The following UIMC1 variants were observed in gnomAD, a reference collection of about 807,000 sequenced individuals.
The protein encoded by UIMC1 is BRCA1-A complex subunit RAP80.
In UIMC1, 42 loss-of-function variants were observed where a neutral mutation model predicts 84.9. That is an observed-to-expected ratio of 0.49 (90% CI 0.39 to 0.64). UIMC1 has a LOEUF of 0.64. Ranked by LOEUF, UIMC1 falls within the 30% of genes least tolerant of loss-of-function variation. The pLI, the probability that UIMC1 is intolerant of heterozygous loss-of-function variation, is 0.00. For missense variants in UIMC1, 825 were observed against 847.6 expected (o/e 0.97, Z 0.33); for synonymous variants, 281 against 293.0 (o/e 0.96, Z 0.42).
At chr5:177,000,244 G>A (rs780521674) in intron 1 of UIMC1, among the ~76,000 whole-genome samples, 2 of 152,016 alleles carry the variant, frequency 1.3e-5, no homozygotes, top group African/African-American at 2.4e-5. Context: ...ATAAGCCACC[G>A]CGCCCGGCAT....
At chr5:176,906,919 AAC>A (rs1274108552) in intron 13 of UIMC1, among the ~76,000 whole-genome samples, 193 bp downstream of exon 13, 1 of 152,254 alleles carries the variant, frequency 6.6e-6, no homozygotes, top group Admixed American at 6.5e-5. Context: ...CCTGAAATGA[AAC>A]ACAGGATGAA....
chr5:176,977,238 AAAAG>A (rs963398192), intron 2 of UIMC1, among the ~76,000 whole-genome samples: 1 of 151,736 alleles, frequency 6.6e-6, no homozygotes, highest in Non-Finnish European at 1.5e-5. Context: ...AAAAAAAAAA[AAAAG>A]AGAGAGAGAG....
intron 9 of UIMC1, among the ~76,000 whole-genome samples, chr5:176,944,974 G>A (rs1764899749): frequency 6.6e-6 from 1 of 152,168 alleles, no homozygotes; most frequent in Non-Finnish European, 1.5e-5. Flanking sequence ...ATTACAGAAG[G>A]GGAAACTGAG....
intron 10 of UIMC1, among the ~76,000 whole-genome samples, chr5:176,928,183 G>A (rs1354589194): frequency 1.3e-5 from 2 of 152,068 alleles, no homozygotes; most frequent in Admixed American, 6.6e-5. Flanking sequence ...CAACACAGCC[G>A]CCTGATTCAT....
intron 13 of UIMC1, among the ~76,000 whole-genome samples, chr5:176,906,345 A>C (rs980510154): frequency 3.3e-5 from 5 of 152,244 alleles, no homozygotes; most frequent in Non-Finnish European, 5.9e-5. Flanking sequence ...GAGATTCACA[A>C]ACTGGTGATC....
chr5:176,943,367 A>G lies in UIMC1; in HGVS notation c.1565T>C (p.Met522Thr), dbSNP rs1412176308. Residue 522 changes from methionine to threonine, a missense_variant, in exon 10 of 15, where the codon ATG (methionine) becomes ACG (threonine). Met to Thr is a moderately conservative substitution (Grantham distance 81). Transcript: ENST00000511320. ...FPPTKIERHA[M>T]YCNGLMEEDT... ...TTCCTCCATCAGACCATTGCAGTAC[A>G]TGGCATGTCGTTCAATCTTTGTGGG... The G allele has an allele frequency of 1.2e-6, 2 of 1,614,130 alleles. No homozygotes were observed. Among genetic ancestry groups the G allele is most frequent in the Non-Finnish European group, 1.7e-6 (2 of 1,180,022 alleles).
At chr5:176,931,728 T>C (rs1210249288) in intron 10 of UIMC1, among the ~76,000 whole-genome samples, 2 of 152,178 alleles carry the variant, frequency 1.3e-5, no homozygotes, top group Non-Finnish European at 2.9e-5. Flanking sequence ...GGCTCATGCC[T>C]GTAATCCCAG....
At chr5:176,974,214 T>C (rs1023091910) in intron 3 of UIMC1, among the ~76,000 whole-genome samples, 1 of 152,182 alleles carries the variant, frequency 6.6e-6, no homozygotes, top group African/African-American at 2.4e-5. Context: ...CAGTGTGGTA[T>C]GGCATAATGA....
intron 1 of UIMC1, among the ~76,000 whole-genome samples, chr5:176,991,632 A>C (rs1772850823): frequency 3.0e-5 from 1 of 33,276 alleles, no homozygotes; most frequent in Non-Finnish European, 5.4e-5. Context: ...CTCCGTCTCA[A>C]AAAAAAAAAA....
chr5:176,937,958 A>G (rs1763910236), intron 10 of UIMC1, among the ~76,000 whole-genome samples: 1 of 152,140 alleles, frequency 6.6e-6, no homozygotes, highest in Admixed American at 6.5e-5. Flanking sequence ...TGGGAGGCCA[A>G]CGCAGGAGAA....
intron 2 of UIMC1, among the ~76,000 whole-genome samples, chr5:176,977,570 A>C (rs954819043): frequency 2.0e-5 from 3 of 148,114 alleles, no homozygotes; most frequent in Non-Finnish European, 4.5e-5. Context: ...ATGACAGAGC[A>C]AGACTCCATC....
intron 2 of UIMC1, among the ~76,000 whole-genome samples, chr5:176,977,371 C>T (rs1201359388): frequency 6.6e-6 from 1 of 151,876 alleles, no homozygotes; most frequent in Non-Finnish European, 1.5e-5. Context: ...CATCAAACTT[C>T]ATCAGATTGA....
chr5:177,006,548 G>C (rs970382141), intron 1 of UIMC1, 102 bp downstream of exon 1: 1 of 152,286 alleles, frequency 6.6e-6, no homozygotes, highest in Non-Finnish European at 1.5e-5. Flanking sequence ...CCTTGGCGTC[G>C]GGAAGCGCCC....
chr5:176,984,058 G>A (rs1771525063), intron 1 of UIMC1, among the ~76,000 whole-genome samples: 1 of 116,576 alleles, frequency 8.6e-6, no homozygotes. Context: ...GAAGTGAGGA[G>A]TGCCTCTGCC....
At chr5:176,909,859 A>G (rs558073700) in intron 11 of UIMC1, among the ~76,000 whole-genome samples, 2 of 152,354 alleles carry the variant, frequency 1.3e-5, no homozygotes, top group East Asian at 3.9e-4. Context: ...GACAGACTTT[A>G]TCACTTCTAG....
At chr5:176,951,716 T>C in intron 8 of UIMC1, 139 bp from the exon 9 acceptor site, 1 of 566,990 alleles carries the variant, frequency 1.8e-6, no homozygotes, top group Non-Finnish European at 3.0e-6. Context: ...TCTAGTTTGT[T>C]TCTTCTTAAA....
chr5:176,968,415 T>A, intron 6 of UIMC1, 140 bp downstream of exon 6: 1 of 1,237,574 alleles, frequency 8.1e-7, no homozygotes, highest in Non-Finnish European at 1.1e-6. Context: ...TATACTCTCC[T>A]GTACTTTCCT....
chr5:176,970,560 A>G, intron 4 of UIMC1, 182 bp downstream of exon 4: 1 of 917,056 alleles, frequency 1.1e-6, no homozygotes, highest in South Asian at 1.5e-5. Flanking sequence ...AGAATTAACA[A>G]AATACTTTAA....
At chr5:176,973,955 G>C (rs1181942854) in intron 3 of UIMC1, among the ~76,000 whole-genome samples, 1 of 152,150 alleles carries the variant, frequency 6.6e-6, no homozygotes, top group Non-Finnish European at 1.5e-5. Context: ...CAGCTATTCA[G>C]GAGGCTAAAG....
Sources: allele counts gnomAD v4.1 joint callset (sites outside exome capture counted in the v4.1 genomes callset), GRCh38; gene constraint gnomAD v4.1.1; transcripts MANE v1.5; gene names NCBI Gene and HGNC (gene_info 2026-07-23, HGNC 2026-07-21).